KHDRBS2: variants seen among roughly 807,000 people sequenced by gnomAD.
The protein encoded by KHDRBS2 is KH RNA binding domain containing, signal transduction associated 2.
KHDRBS2 carries 26 observed loss-of-function variants against 44.3 expected under a neutral mutation model. The ratio of observed to expected loss-of-function variants is 0.59; its 90% confidence interval spans 0.43 to 0.81. The LOEUF (loss-of-function observed/expected upper bound fraction) is 0.81, where lower values mean the gene tolerates loss of function less well. Ranked by LOEUF, KHDRBS2 falls within the 40% of genes least tolerant of loss-of-function variation. KHDRBS2 has a pLI of 0.00. For synonymous variants in KHDRBS2, 194 were observed against 151.1 expected (o/e 1.28, Z -2.08); for missense variants, 476 against 433.1 (o/e 1.10, Z -0.88).
chr6:61,945,405 G>C (rs2127379643), intron 4 of KHDRBS2, among the ~76,000 whole-genome samples: 1 of 151,616 alleles, frequency 6.6e-6, no homozygotes, highest in East Asian at 1.9e-4. Flanking sequence ...GCCAGAGGCA[G>C]AATTTATTAC....
intron 6 of KHDRBS2, among the ~76,000 whole-genome samples, chr6:61,772,305 GA>G (rs1478750563): frequency 6.6e-6 from 1 of 152,098 alleles, no homozygotes; most frequent in African/African-American, 2.4e-5. Flanking sequence ...CAGAAGGCAA[GA>G]AATAACTAAG....
the KHDRBS2 span, among the ~76,000 whole-genome samples, chr6:61,548,949 G>T: frequency 6.6e-6 from 1 of 152,056 alleles, no homozygotes; most frequent in Admixed American, 6.6e-5. Context: ...GTAGCTTAAA[G>T]ATCTCAGCAA....
intron 6 of KHDRBS2, among the ~76,000 whole-genome samples, chr6:61,814,674 G>T (rs1312176045): frequency 6.6e-6 from 1 of 152,118 alleles, no homozygotes; most frequent in African/African-American, 2.4e-5. Flanking sequence ...CCAAAGTTTA[G>T]AATTGTATGG....
intron 4 of KHDRBS2, among the ~76,000 whole-genome samples, chr6:61,945,148 T>TATATATATAC (rs1554284651): frequency 4.2e-5 from 3 of 71,422 alleles, no homozygotes; most frequent in African/African-American, 1.5e-4. Context: ...TATATATATA[T>TATATATATAC]ATACACACAG....
chr6:61,818,886 T>A (rs758566626), intron 6 of KHDRBS2, among the ~76,000 whole-genome samples: 6 of 151,982 alleles, frequency 3.9e-5, no homozygotes, highest in Admixed American at 6.6e-5. Flanking sequence ...TTCCTCAGAA[T>A]AATGTCCTCA....
At chr6:61,796,645 T>C (rs922882241) in intron 6 of KHDRBS2, among the ~76,000 whole-genome samples, 2 of 152,084 alleles carry the variant, frequency 1.3e-5, no homozygotes, top group African/African-American at 4.8e-5. Flanking sequence ...TCTACACAAA[T>C]GCTTAAAAAA....
At chr6:62,101,692 G>A (rs1262136337) in intron 2 of KHDRBS2, among the ~76,000 whole-genome samples, 3 of 152,184 alleles carry the variant, frequency 2.0e-5, no homozygotes, top group African/African-American at 4.8e-5. Context: ...ACAAATGAAA[G>A]AAACATAAGT....
At chr6:61,967,932 G>GTATATATATA (rs369326330) in intron 4 of KHDRBS2, among the ~76,000 whole-genome samples, 200 of 116,964 alleles carry the variant, frequency 1.7e-3, no homozygotes, top group African/African-American at 6.4e-3. Context: ...ATACACACAC[G>GTATATATATA]TATATATATA....
At chr6:61,721,210 T>G (rs1328421523) in intron 7 of KHDRBS2, among the ~76,000 whole-genome samples, 1 of 152,096 alleles carries the variant, frequency 6.6e-6, no homozygotes, top group Non-Finnish European at 1.5e-5. Flanking sequence ...AGTCAGGTAG[T>G]GTGATGCCTC....
At chr6:62,143,765 G>A (rs1334233561) in intron 2 of KHDRBS2, among the ~76,000 whole-genome samples, 2 of 151,864 alleles carry the variant, frequency 1.3e-5, no homozygotes, top group East Asian at 3.9e-4. Flanking sequence ...GTAGTGCAGA[G>A]TAGGATTACT....
At chr6:61,579,027 G>A in the KHDRBS2 span, among the ~76,000 whole-genome samples, 4 of 152,086 alleles carry the variant, frequency 2.6e-5, no homozygotes, top group South Asian at 2.1e-4. Flanking sequence ...ATTGTTTTTA[G>A]CCCCTGCAGC....
chr6:61,870,431 G>T (rs1173727500), intron 6 of KHDRBS2, among the ~76,000 whole-genome samples: 1 of 152,176 alleles, frequency 6.6e-6, no homozygotes, highest in East Asian at 1.9e-4. Context: ...GCCTGGGACA[G>T]AGCACCTGGG....
At chr6:62,138,268 C>A (rs1562943227) in intron 2 of KHDRBS2, among the ~76,000 whole-genome samples, 1 of 152,172 alleles carries the variant, frequency 6.6e-6, no homozygotes, top group Non-Finnish European at 1.5e-5. Context: ...TTTGTAATTG[C>A]CACTGTTTTT....
At chr6:62,146,409 A>G (rs1374023416) in intron 2 of KHDRBS2, among the ~76,000 whole-genome samples, 1 of 151,690 alleles carries the variant, frequency 6.6e-6, no homozygotes, top group Non-Finnish European at 1.5e-5. Flanking sequence ...TCTTCTCTCT[A>G]CTATTCCTTA....
intron 6 of KHDRBS2, among the ~76,000 whole-genome samples, chr6:61,759,011 G>T (rs548903966): frequency 4.2e-4 from 64 of 152,072 alleles, no homozygotes; most frequent in East Asian, 1.7e-3. Context: ...AAATTACAAA[G>T]AATTTATGTG....
chr6:61,981,370 T>C (rs765020802), intron 3 of KHDRBS2, among the ~76,000 whole-genome samples: 33 of 152,308 alleles, frequency 2.2e-4, no homozygotes, highest in African/African-American at 7.2e-4. Context: ...ACATTCTGTG[T>C]CTTATCAGAA....
At chr6:62,137,900 A>G (rs1204843089) in intron 2 of KHDRBS2, among the ~76,000 whole-genome samples, 3 of 152,186 alleles carry the variant, frequency 2.0e-5, no homozygotes, top group African/African-American at 7.2e-5. Flanking sequence ...TGGTTTAATT[A>G]TTATGCAGTG....
At chr6:61,831,621 T>C (rs538897440) in intron 6 of KHDRBS2, among the ~76,000 whole-genome samples, 3 of 152,256 alleles carry the variant, frequency 2.0e-5, no homozygotes, top group Admixed American at 1.3e-4. Flanking sequence ...TGTCTGTATC[T>C]TTATGAATGT....
intron 1 of KHDRBS2, among the ~76,000 whole-genome samples, chr6:62,242,310 T>G (rs1183228184): frequency 6.6e-6 from 1 of 152,164 alleles, no homozygotes; most frequent in Admixed American, 6.6e-5. Context: ...TCATTTTACT[T>G]GATGACACCT....
Sources: allele counts gnomAD v4.1 joint callset (sites outside exome capture counted in the v4.1 genomes callset), GRCh38; gene constraint gnomAD v4.1.1; transcripts MANE v1.5; gene names NCBI Gene and HGNC (gene_info 2026-07-23, HGNC 2026-07-21).